NEGR1: variants seen among roughly 807,000 people sequenced by gnomAD.
NEGR1 encodes the protein neuronal growth regulator 1, also known as IgLON family member 4.
Under a neutral mutation model 40.9 loss-of-function variants are expected in NEGR1, and 10 were observed. The observed-to-expected ratio is 0.24, with a 90% CI of 0.15 to 0.42. NEGR1 has a LOEUF of 0.42. Among genes scored for constraint, NEGR1 ranks in the 10% least tolerant of loss-of-function variants. The probability of loss-of-function intolerance (pLI) is 1.00; values close to 1 mark genes in which losing one functional copy is unlikely to be tolerated. For synonymous variants in NEGR1, 185 were observed against 166.8 expected (o/e 1.11, Z -0.84); for missense variants, 352 against 438.9 (o/e 0.80, Z 1.77).
intron 1 of NEGR1, among the ~76,000 whole-genome samples, chr1:71,960,579 C>T (rs1181588689): frequency 6.6e-6 from 1 of 152,062 alleles, no homozygotes; most frequent in Non-Finnish European, 1.5e-5. Context: ...TCTTTAATGG[C>T]CAGAGCAGAG....
At chr1:71,557,224 C>A (rs1648282109) in intron 6 of NEGR1, among the ~76,000 whole-genome samples, 1 of 151,490 alleles carries the variant, frequency 6.6e-6, no homozygotes, top group Non-Finnish European at 1.5e-5. Context: ...GAAACAACCA[C>A]AAAATAACTG....
chr1:71,899,751 T>C (rs1426868472), intron 2 of NEGR1, among the ~76,000 whole-genome samples: 1 of 152,166 alleles, frequency 6.6e-6, no homozygotes, highest in African/African-American at 2.4e-5. Flanking sequence ...CAGAAACCAT[T>C]TTATTTCTTC....
intron 1 of NEGR1, among the ~76,000 whole-genome samples, chr1:72,103,245 T>A (rs1483189015): frequency 2.0e-5 from 3 of 152,094 alleles, no homozygotes; most frequent in Non-Finnish European, 2.9e-5. Context: ...GGTACTATGC[T>A]CCACTGAGGC....
At chr1:71,487,894 A>G (rs936258291) in intron 6 of NEGR1, 1 of 151,690 alleles carries the variant, frequency 6.6e-6, no homozygotes, top group African/African-American at 2.4e-5. Context: ...TGAAATACAC[A>G]TTTTCTAAAA....
chr1:72,263,840 T>C (rs1216083050), intron 1 of NEGR1, among the ~76,000 whole-genome samples: 2 of 151,502 alleles, frequency 1.3e-5, no homozygotes, highest in African/African-American at 4.8e-5. Flanking sequence ...AAGATGTTGA[T>C]GGTATGTGGT....
intron 1 of NEGR1, among the ~76,000 whole-genome samples, chr1:72,231,649 G>T (rs1318747073): frequency 6.6e-6 from 1 of 152,032 alleles, no homozygotes; most frequent in Non-Finnish European, 1.5e-5. Context: ...ATCCATTCCA[G>T]AATATACACC....
intron 1 of NEGR1, among the ~76,000 whole-genome samples, chr1:72,070,245 T>G (rs931685577): frequency 3.9e-5 from 6 of 152,054 alleles, no homozygotes; most frequent in Non-Finnish European, 8.8e-5. Flanking sequence ...TAAATTTGCT[T>G]CAAGGTTTCT....
chr1:71,772,584 T>C (rs72946034), intron 3 of NEGR1, among the ~76,000 whole-genome samples: 11,097 of 152,236 alleles, frequency 0.073, 509 homozygotes, highest in East Asian at 0.14. Context: ...ACTATTGTAT[T>C]AGTTGACCAA....
intron 1 of NEGR1, among the ~76,000 whole-genome samples, chr1:71,973,232 C>T (rs1290856180): frequency 6.6e-6 from 1 of 150,690 alleles, no homozygotes; most frequent in Non-Finnish European, 1.5e-5. Flanking sequence ...AGGAGAATGG[C>T]GTGAACACGG....
At chr1:71,669,270 T>C (rs148470676) in intron 4 of NEGR1, among the ~76,000 whole-genome samples, 1 of 152,234 alleles carries the variant, frequency 6.6e-6, no homozygotes, top group East Asian at 1.9e-4. Flanking sequence ...ATCCTGCTAT[T>C]TAAAGTGTGT....
intron 2 of NEGR1, among the ~76,000 whole-genome samples, chr1:71,822,270 T>A (rs1408243507): frequency 2.0e-5 from 3 of 151,766 alleles, no homozygotes; most frequent in African/African-American, 7.3e-5. Flanking sequence ...TAGAAACACA[T>A]CGATGGACCT....
At chr1:71,998,611 A>G (rs904126271) in intron 1 of NEGR1, among the ~76,000 whole-genome samples, 2 of 151,742 alleles carry the variant, frequency 1.3e-5, no homozygotes, top group African/African-American at 4.8e-5. Context: ...ACAGATTCTT[A>G]CTCATATCAC....
chr1:71,746,111 T>C (rs1165589273), intron 3 of NEGR1, among the ~76,000 whole-genome samples: 2 of 152,236 alleles, frequency 1.3e-5, no homozygotes, highest in Non-Finnish European at 2.9e-5. Flanking sequence ...TGGATCTTCA[T>C]TCTGAAGGCT....
chr1:71,491,030 G>C (rs1453711973), intron 6 of NEGR1, among the ~76,000 whole-genome samples: 2 of 151,862 alleles, frequency 1.3e-5, no homozygotes, highest in African/African-American at 4.8e-5. Context: ...AAGTGCTCAC[G>C]TAATGTTTAT....
At chr1:72,191,204 G>A (rs1312943938) in intron 1 of NEGR1, among the ~76,000 whole-genome samples, 6 of 151,684 alleles carry the variant, frequency 4.0e-5, no homozygotes. Flanking sequence ...AGATCACATT[G>A]CTCTTCCAAC....
intron 4 of NEGR1, among the ~76,000 whole-genome samples, chr1:71,629,812 A>C: frequency 6.6e-6 from 1 of 151,956 alleles, no homozygotes; most frequent in Non-Finnish European, 1.5e-5. Context: ...ACTTTTTAAA[A>C]ACTCAATAGA....
chr1:71,520,294 T>G (rs1290663518), intron 6 of NEGR1, among the ~76,000 whole-genome samples: 1 of 152,076 alleles, frequency 6.6e-6, no homozygotes, highest in East Asian at 1.9e-4. Flanking sequence ...ATGCCTTTTA[T>G]TTGGATTCCA....
chr1:72,000,971 A>G (rs1472935960), intron 1 of NEGR1, among the ~76,000 whole-genome samples: 1 of 152,080 alleles, frequency 6.6e-6, no homozygotes, highest in African/African-American at 2.4e-5. Context: ...CCCCATAGAT[A>G]AGAAAGGCTA....
intron 2 of NEGR1, among the ~76,000 whole-genome samples, chr1:71,849,093 A>G (rs970583464): frequency 4.6e-5 from 7 of 152,030 alleles, no homozygotes; most frequent in African/African-American, 1.4e-4. Context: ...TGTCTCAAAA[A>G]AAAAAAAAGA....
Sources: allele counts gnomAD v4.1 joint callset (sites outside exome capture counted in the v4.1 genomes callset), GRCh38; gene constraint gnomAD v4.1.1; transcripts MANE v1.5; gene names NCBI Gene and HGNC (gene_info 2026-07-23, HGNC 2026-07-21).